DSE: variants seen among roughly 807,000 people sequenced by gnomAD.
DSE encodes dermatan sulfate epimerase, also known as dermatan-sulfate epimerase.
Under a neutral mutation model 84.4 loss-of-function variants are expected in DSE, and 36 were observed. That is an observed-to-expected ratio of 0.43 (90% confidence interval 0.33 to 0.56). The LOEUF (loss-of-function observed/expected upper bound fraction) is 0.56. DSE is among the 20% of genes least tolerant of loss of function. The pLI is 0.06. For synonymous variants in DSE, 410 were observed against 430.1 expected (o/e 0.95, Z 0.58); for missense variants, 862 against 1,169.6 (o/e 0.74, Z 3.84).
intron 2 of DSE, among the ~76,000 whole-genome samples, chr6:116,344,228 G>C (rs1777800816): frequency 6.6e-6 from 1 of 152,216 alleles, no homozygotes; most frequent in African/African-American, 2.4e-5. Context: ...TTATCCAGGA[G>C]AACTTCCCCA....
chr6:116,325,931 C>T lies in DSE; in HGVS notation c.-54+66964C>T, dbSNP rs151244187. ...GGGATGCACATGAGAGGATCGTGAT[C>T]GAGTGAGCAAGCAGGGGGTATGTGA... On this transcript the variant is annotated intron_variant, in intron 2 of 3. Transcript: ENST00000430252. Among the ~76,000 whole-genome samples the T allele has an allele frequency of 3.9e-5, 6 of 152,198 alleles. No homozygotes were observed. In the East Asian group the frequency reaches 9.7e-4, roughly 25 times the overall value.
At chr6:116,255,650 A>G (rs147449648) in intron 1 of DSE, 327 of 152,332 alleles carry the variant, frequency 2.1e-3, no homozygotes, top group African/African-American at 7.1e-3. Flanking sequence ...GTAAACACAT[A>G]AACAGCGTGC....
intron 2 of DSE, among the ~76,000 whole-genome samples, chr6:116,414,507 G>A (rs1245224526): frequency 6.6e-6 from 1 of 152,078 alleles, no homozygotes; most frequent in Non-Finnish European, 1.5e-5. Context: ...CCACCTCCTG[G>A]GTTCAAGCGA....
At position 116,440,567 on chromosome 6, in the gene DSE, T is replaced by C. The variant is rs2115107846; in HGVS notation, c.*3222T>C. 1 of 152,314 alleles carries C rather than the reference T, an allele frequency of 6.6e-6. No individual in the cohort carries two copies. Among genetic ancestry groups the C allele is most frequent in the Non-Finnish European group, 1.5e-5 (1 of 68,020 alleles). The allele number at this position is 152,314 out of a possible 1,614,324, so 9.4% of individuals were successfully genotyped here. A position where few individuals can be genotyped will look rare whatever the true frequency, so the allele number is the denominator to read the frequency against. On this transcript the variant is annotated 3_prime_UTR_variant, in exon 6 of 6. Transcript: ENST00000644252. ...CTATGAAATGCTATATTTGTAGGCT[T>C]AAAAGTAAATTAGTGTGTTTTCTTA... is the stretch of plus-strand genomic sequence containing the variant.
upstream of DSE, among the ~76,000 whole-genome samples, chr6:116,367,450 T>C (rs1397594813): frequency 5.9e-5 from 9 of 152,164 alleles, no homozygotes; most frequent in Admixed American, 5.9e-4. Context: ...GTTTAATGAA[T>C]TAAACTCAAG....
upstream of DSE, chr6:116,370,569 G>A: frequency 1.1e-6 from 1 of 945,850 alleles, no homozygotes; most frequent in Non-Finnish European, 1.3e-6. Flanking sequence ...CCTCCCCCTG[G>A]GCCTCCAAAA....
Position 116,433,060 on chromosome 6 carries a change from T to C in DSE, c.911-283T>C, listed in dbSNP as rs192717341. 225 of 412,414 alleles carry C rather than the reference T, an allele frequency of 5.5e-4. 1 individual carries two copies. The highest frequency in any genetic ancestry group is 5.0e-4 in the Non-Finnish European group (111 of 222,588). 25.5% of individuals were successfully genotyped at this position (412,414 alleles called of 1,614,324 possible). On this transcript the variant is annotated intron_variant, in intron 4 of 5. Coordinates refer to ENST00000644252, the MANE Select transcript of DSE (RefSeq NM_013352.4). ...AATATAATCACGTATAGCATGAACA[T>C]TGGAAAATGAGGAAGGCAGGGAATA...
intron 2 of DSE, among the ~76,000 whole-genome samples, chr6:116,286,868 A>T (rs968370839): frequency 8.5e-5 from 13 of 152,098 alleles, no homozygotes. Flanking sequence ...CCCTTGGTAC[A>T]TGTTACTGTA....
chr6:116,334,192 T>A (rs1777108860), intron 2 of DSE, among the ~76,000 whole-genome samples: 1 of 152,216 alleles, frequency 6.6e-6, no homozygotes. Flanking sequence ...AATTGTCTGT[T>A]GAATGACTAG....
At chr6:116,315,020 G>A (rs1775884730) in intron 2 of DSE, among the ~76,000 whole-genome samples, 1 of 152,202 alleles carries the variant, frequency 6.6e-6, no homozygotes, top group Admixed American at 6.5e-5. Flanking sequence ...CAGCCCCAGA[G>A]TGAAATTCTT....
At chr6:116,258,527 GC>G (rs1162045495) in exon 2 of DSE, 2 of 1,321,046 alleles carry the variant, frequency 1.5e-6, no homozygotes, top group Non-Finnish European at 1.1e-6. Context: ...CTCCAAGAAG[GC>G]CACACGTCCT....
At chr6:116,323,563 A>T (rs570142774) in intron 2 of DSE, among the ~76,000 whole-genome samples, 1 of 152,226 alleles carries the variant, frequency 6.6e-6, no homozygotes, top group Non-Finnish European at 1.5e-5. Context: ...GTGTCCAGGA[A>T]AAACCTTTAT....
chr6:116,369,225 AGTTCTAG>A (rs1779361311), upstream of DSE, among the ~76,000 whole-genome samples: 1 of 152,224 alleles, frequency 6.6e-6, no homozygotes, highest in Admixed American at 6.5e-5. Context: ...CTGATTCTAA[AGTTCTAG>A]GTTGGAGAAT....
chr6:116,403,620 A>G (rs922026912), intron 2 of DSE, among the ~76,000 whole-genome samples: 1 of 152,132 alleles, frequency 6.6e-6, no homozygotes, highest in Non-Finnish European at 1.5e-5. Flanking sequence ...TCTAAAACGC[A>G]CCATGAGTGG....
intron 2 of DSE, chr6:116,355,952 A>G (rs1189622669): frequency 6.6e-6 from 1 of 152,238 alleles, no homozygotes; most frequent in Non-Finnish European, 1.5e-5. Flanking sequence ...CAGCTCACAT[A>G]CTAGACAAAA....
At chr6:116,333,355 C>A (rs1240841512) in intron 2 of DSE, among the ~76,000 whole-genome samples, 1 of 152,068 alleles carries the variant, frequency 6.6e-6, no homozygotes, top group Non-Finnish European at 1.5e-5. Flanking sequence ...TGATGGAAGG[C>A]ATCACATAGT....
At position 116,433,092 on chromosome 6, in the gene DSE, G is replaced by A. The variant is rs184434279; in HGVS notation, c.911-251G>A. 1.5e-3 allele frequency: 731 copies of A among 494,230 alleles called. 6 individuals are homozygous for A. Among genetic ancestry groups the A allele is most frequent in the Non-Finnish European group, 1.0e-3 (285 of 272,112 alleles). The allele number at this position is 494,230 out of a possible 1,614,324, so 30.6% of individuals were successfully genotyped here. On this transcript the variant is annotated intron_variant, in intron 4 of 5. Transcript: ENST00000644252. ...ATGAGGAAGGCAGGGAATAGGTGTA[G>A]CACTAATGTTACCAAGGACAGGTTA...
chr6:116,336,100 G>C (rs949635769), intron 2 of DSE, among the ~76,000 whole-genome samples: 2 of 152,174 alleles, frequency 1.3e-5, no homozygotes, highest in African/African-American at 4.8e-5. Flanking sequence ...TTTGTAGTCA[G>C]ATATCAACTC....
At chr6:116,346,444 G>C (rs1255128430) in intron 2 of DSE, among the ~76,000 whole-genome samples, 1 of 152,170 alleles carries the variant, frequency 6.6e-6, no homozygotes, top group Non-Finnish European at 1.5e-5. Flanking sequence ...CTTCATCCCT[G>C]GGATACAAGG....
Sources: allele counts gnomAD v4.1 joint callset (sites outside exome capture counted in the v4.1 genomes callset), GRCh38; gene constraint gnomAD v4.1.1; transcripts MANE v1.5; gene names NCBI Gene and HGNC (gene_info 2026-07-23, HGNC 2026-07-21).